ADGRB1: variants seen among roughly 807,000 people sequenced by gnomAD.
ADGRB1 encodes adhesion G protein-coupled receptor B1, also known as brain-specific angiogenesis inhibitor 1.
Under a neutral mutation model 175.7 loss-of-function variants are expected in ADGRB1, and 36 were observed. The ratio of observed to expected loss-of-function variants is 0.20; its 90% CI spans 0.16 to 0.27. The LOEUF is 0.27. Ranked by LOEUF, ADGRB1 falls within the 10% of genes least tolerant of loss-of-function variation. The pLI, the probability that ADGRB1 is intolerant of heterozygous loss-of-function variation, is 1.00. For missense variants in ADGRB1, 1,731 were observed against 2,255.3 expected (o/e 0.77, Z 4.71); for synonymous variants, 1,054 against 979.4 (o/e 1.08, Z -1.42).
intron 1 of ADGRB1, among the ~76,000 whole-genome samples, 188 bp downstream of exon 1, chr8:142,450,292 C>T (rs13270799): frequency 6.6e-6 from 1 of 151,978 alleles, no homozygotes; most frequent in South Asian, 2.1e-4. Flanking sequence ...AGCCCCCTGC[C>T]TTCTCCAGCG....
intron 6 of ADGRB1, 109 bp from the exon 7 acceptor site, chr8:142,478,078 C>T: frequency 6.9e-7 from 1 of 1,440,734 alleles, no homozygotes; most frequent in Non-Finnish European, 9.5e-7. Context: ...CATCTATGTC[C>T]CAGGCTGGGT....
intron 17 of ADGRB1, among the ~76,000 whole-genome samples, chr8:142,508,989 T>C (rs1257455217): frequency 6.6e-6 from 1 of 152,172 alleles, no homozygotes; most frequent in Admixed American, 6.5e-5. Context: ...CCGCCACAGT[T>C]TTCCTTCTCT....
intron 1 of ADGRB1, among the ~76,000 whole-genome samples, chr8:142,452,988 C>G (rs1839445861): frequency 6.8e-6 from 1 of 148,058 alleles, no homozygotes; most frequent in Non-Finnish European, 1.5e-5. Context: ...CCCGCGGCTC[C>G]GGCCCCATCT....
intron 24 of ADGRB1, among the ~76,000 whole-genome samples, chr8:142,529,836 ATG>A (rs771158768): frequency 6.9e-6 from 1 of 145,814 alleles, no homozygotes; most frequent in Non-Finnish European, 1.5e-5. Flanking sequence ...CGGTGTGTGT[ATG>A]TGTGAGTGTG....
chr8:142,517,216 G>T (rs751376165), intron 18 of ADGRB1, among the ~76,000 whole-genome samples: 1 of 152,166 alleles, frequency 6.6e-6, no homozygotes, highest in Non-Finnish European at 1.5e-5. Flanking sequence ...TTGCAGAGCC[G>T]GGTGGGACAT....
intron 5 of ADGRB1, 48 bp downstream of exon 5, chr8:142,477,326 G>GGCCGAGGCAGTGGACT: frequency 1.3e-6 from 2 of 1,586,536 alleles, no homozygotes; most frequent in Non-Finnish European, 1.7e-6. Flanking sequence ...GGCAGCGGGG[G>GGCCGAGGCAGTGGACT]GCCAGGGCAG....
At position 142,528,721 on chromosome 8, in the gene ADGRB1, A is replaced by G. The variant is rs1844396346; in HGVS notation, c.3398+2094A>G. ...CTCTGAGTCACCTTCTGTTTGTTTT[A>G]TGTTTATCTTTCATTTCTTCCTTTT... On this transcript the variant is annotated intron_variant, in intron 24 of 30. Transcript: ENST00000517894. Among the ~76,000 whole-genome samples the G allele has an allele frequency of 2.0e-5, 3 of 151,788 alleles. No individual in the cohort carries two copies. The South Asian group carries it at 6.2e-4, about 32-fold the overall frequency.
At position 142,469,801 on chromosome 8, in the gene ADGRB1, G is replaced by A. The variant is rs376635434; in HGVS notation, c.784+4819G>A. ...TCTCTGTGTGTGCACGTGCGTGTGC[G>A]TGGGGGGGATGGGGTGGCATGAGGA... On this transcript the variant is annotated intron_variant, in intron 2 of 30. Transcript: ENST00000517894. Among the ~76,000 whole-genome samples, 389 of 152,120 alleles carry A rather than the reference G, an allele frequency of 2.6e-3. 1 individual carries two copies. Among genetic ancestry groups the A allele is most frequent in the African/African-American group, 8.2e-3 (342 of 41,522 alleles).
In ADGRB1 at chr8:142,471,857, C is replaced by T. The variant is rs137874657; in HGVS notation, c.785-3617C>T. 4.6e-3 allele frequency among the ~76,000 whole-genome samples: 701 copies of T among 152,374 alleles called. 4 individuals carry two copies. Among genetic ancestry groups the T allele is most frequent in the Non-Finnish European group, 6.7e-3 (456 of 68,036 alleles). On this transcript the variant is annotated intron_variant, in intron 2 of 30. Transcript: ENST00000517894. Reference sequence around the variant, plus strand: ...GTCAGGCCACCAGGCGCCCCATCCACCCTCCGGGGCCCTCCCTTCCACGTC... The same window carrying T: ...GTCAGGCCACCAGGCGCCCCATCCATCCTCCGGGGCCCTCCCTTCCACGTC...
chr8:142,475,618 A>G lies in ADGRB1; in HGVS notation c.929A>G (p.Asn310Ser), dbSNP rs1840916284. 8.1e-7 allele frequency: 1 copy of G among 1,230,030 alleles called. No individual in the cohort carries two copies. The highest frequency in any genetic ancestry group is 1.6e-5 in the African/African-American group (1 of 64,152). The allele number at this position is 1,230,030 out of a possible 1,614,324, so 76.2% of individuals were successfully genotyped here. A position where few individuals can be genotyped will look rare whatever the true frequency, so the allele number is the denominator to read the frequency against. Residue 310 changes from asparagine to serine, a missense_variant, in exon 3 of 31, where the codon AAC becomes AGC. Physicochemically the swap from Asn to Ser is conservative, Grantham distance 46 (BLOSUM62 1). Around this residue, in one of 8 missense-constraint regions of ADGRB1, gnomAD observed 178 missense variants for 227.8 expected, o/e 0.78. Coordinates refer to ENST00000517894, the MANE Select transcript of ADGRB1 (RefSeq NM_001702.3). ...EGVLEEGRQC[N>S]REACGPAGRT... Reference sequence around the variant, plus strand: ...GTGCTGGAGGAGGGTCGCCAGTGCAACCGCGAGGCCTGCGGCCGTGAGTGC... The same window carrying G: ...GTGCTGGAGGAGGGTCGCCAGTGCAGCCGCGAGGCCTGCGGCCGTGAGTGC...
chr8:142,502,201 AGGTGGT>A (rs1563718627), intron 17 of ADGRB1, among the ~76,000 whole-genome samples: 4 of 19,354 alleles, frequency 2.1e-4, no homozygotes, highest in South Asian at 1.9e-3. Flanking sequence ...ATGACAGTGG[AGGTGGT>A]GGTGGTGGTG....
intron 21 of ADGRB1, among the ~76,000 whole-genome samples, chr8:142,522,412 G>A (rs972817747): frequency 6.6e-6 from 1 of 152,222 alleles, no homozygotes; most frequent in African/African-American, 2.4e-5. Context: ...CTGCGAGTCA[G>A]ATGTGCCGGG....
chr8:142,452,757 G>C (rs1471968728), intron 1 of ADGRB1, among the ~76,000 whole-genome samples: 1 of 151,976 alleles, frequency 6.6e-6, no homozygotes, highest in Non-Finnish European at 1.5e-5. Flanking sequence ...CTCCTGCGGC[G>C]TCCTCCGCCC....
At chr8:142,509,643 C>T (rs1408845078) in intron 17 of ADGRB1, among the ~76,000 whole-genome samples, 2 of 152,240 alleles carry the variant, frequency 1.3e-5, no homozygotes, top group Non-Finnish European at 2.9e-5. Flanking sequence ...GGTAAAACTG[C>T]AGCATGGAGG....
At chr8:142,538,598 T>C (rs1302894265) in intron 26 of ADGRB1, among the ~76,000 whole-genome samples, 1 of 152,074 alleles carries the variant, frequency 6.6e-6, no homozygotes. Flanking sequence ...CAGTGAAGGG[T>C]GGGCCTGTCC....
chr8:142,453,028 G>T (rs1210721605), intron 1 of ADGRB1, among the ~76,000 whole-genome samples: 1 of 87,936 alleles, frequency 1.1e-5, no homozygotes, highest in Non-Finnish European at 2.2e-5. Flanking sequence ...CCTCCCTCCC[G>T]CCCGCCCGCC....
chr8:142,518,574 G>A (rs147249843), intron 19 of ADGRB1, among the ~76,000 whole-genome samples: 1,645 of 152,222 alleles, frequency 0.011, 25 homozygotes, highest in African/African-American at 0.037. Context: ...AGCCTTCCCC[G>A]GACCCCCAGT....
At position 142,455,998 on chromosome 8, in the gene ADGRB1, G is replaced by A. The variant is rs1401553132; in HGVS notation, c.-220+5894G>A. ...TGCCAGGGAGGGTAGGGCTGTCCAG[G>A]CAAGTCTTGGTGAGGCCCCAGTTCC... On this transcript the variant is annotated intron_variant, in intron 1 of 30. Transcript: ENST00000517894. This position sits in a 1 kb window ranked among gnomAD's most constrained non-coding sequence, Gnocchi z 4.9. 6.6e-6 allele frequency among the ~76,000 whole-genome samples: 1 copy of A among 152,104 alleles called. No homozygotes were observed. Among genetic ancestry groups the A allele is most frequent in the African/African-American group, 2.4e-5 (1 of 41,412 alleles).
At chr8:142,498,299 C>G (rs895211677) in intron 17 of ADGRB1, among the ~76,000 whole-genome samples, 1 of 152,248 alleles carries the variant, frequency 6.6e-6, no homozygotes, top group Non-Finnish European at 1.5e-5. Flanking sequence ...TCCAGGCACA[C>G]AGCACCCCTC....
Sources: allele counts gnomAD v4.1 joint callset (sites outside exome capture counted in the v4.1 genomes callset), GRCh38; gene constraint gnomAD v4.1.1; regional missense constraint gnomAD v4.1.1; non-coding constraint Gnocchi (gnomAD v3.1); transcripts MANE v1.5; gene names NCBI Gene and HGNC (gene_info 2026-07-23, HGNC 2026-07-21).